The following HNRNPA1L2 variants were observed in gnomAD, a reference collection of about 807,000 sequenced individuals.
HNRNPA1L2 encodes heterogeneous nuclear ribonucleoprotein A1 like 2.
Under a neutral mutation model 18.2 loss-of-function variants are expected in HNRNPA1L2, and 10 were observed. That is an observed-to-expected ratio of 0.55 (90% confidence interval 0.34 to 0.93). The LOEUF is 0.93. Among genes scored for constraint, HNRNPA1L2 ranks in the 40% least tolerant of loss-of-function variants. The probability of loss-of-function intolerance (pLI) is 0.02; values close to 1 mark genes in which losing one functional copy is unlikely to be tolerated. For synonymous variants in HNRNPA1L2, 124 were observed against 138.6 expected (o/e 0.89, Z 0.74); for missense variants, 308 against 394.4 (o/e 0.78, Z 1.85).
At chr13:52,634,330 T>C in the HNRNPA1L2 span, among the ~76,000 whole-genome samples, 1 of 152,208 alleles carries the variant, frequency 6.6e-6, no homozygotes, top group African/African-American at 2.4e-5. Flanking sequence ...ACTTGCTTTT[T>C]AAAATAAAAT....
chr13:52,628,206 G>A, the HNRNPA1L2 span, among the ~76,000 whole-genome samples: 1 of 152,190 alleles, frequency 6.6e-6, no homozygotes, highest in African/African-American at 2.4e-5. Flanking sequence ...ACTTTGTGAG[G>A]CTGAGGTGAG....
the HNRNPA1L2 span, among the ~76,000 whole-genome samples, chr13:52,618,044 A>G: frequency 6.6e-6 from 1 of 152,184 alleles, no homozygotes; most frequent in Admixed American, 6.5e-5. Flanking sequence ...TTAGTTCATT[A>G]TTGGAAAACT....
chr13:52,633,518 A>C, the HNRNPA1L2 span, among the ~76,000 whole-genome samples: 2 of 152,326 alleles, frequency 1.3e-5, no homozygotes, highest in East Asian at 3.9e-4. Context: ...ATTTCTGACG[A>C]ATAGAAGTTA....
At chr13:52,617,538 G>A in the HNRNPA1L2 span, 3 of 420,238 alleles carry the variant, frequency 7.1e-6, no homozygotes, top group Non-Finnish European at 1.3e-5. Flanking sequence ...TGCTCTCCTG[G>A]ATGGCTTTAT....
At chr13:52,618,656 G>A in the HNRNPA1L2 span, among the ~76,000 whole-genome samples, 7 of 152,176 alleles carry the variant, frequency 4.6e-5, no homozygotes, top group African/African-American at 1.4e-4. Context: ...AGATTTTTAC[G>A]TATGTTATAA....
At chr13:52,636,454 T>C in the HNRNPA1L2 span, among the ~76,000 whole-genome samples, 2 of 152,216 alleles carry the variant, frequency 1.3e-5, no homozygotes, top group African/African-American at 4.8e-5. Context: ...AGTAAAAAAG[T>C]TATTGAAACA....
the HNRNPA1L2 span, among the ~76,000 whole-genome samples, chr13:52,633,553 ATGT>A: frequency 6.6e-6 from 1 of 152,322 alleles, no homozygotes; most frequent in South Asian, 2.1e-4. Flanking sequence ...GATAGAAATA[ATGT>A]TGTATATGGA....
chr13:52,622,175 G>A, the HNRNPA1L2 span: 2,346 of 162,288 alleles, frequency 0.014, 58 homozygotes, highest in African/African-American at 0.053. Context: ...CACAGTAAAT[G>A]TACAAACAAC....
the HNRNPA1L2 span, among the ~76,000 whole-genome samples, chr13:52,628,346 G>A: frequency 6.6e-6 from 1 of 152,134 alleles, no homozygotes; most frequent in Non-Finnish European, 1.5e-5. Flanking sequence ...TGGGGGCTAA[G>A]GCTGGAGGAT....
upstream of HNRNPA1L2, among the ~76,000 whole-genome samples, chr13:52,637,667 G>A (rs1189736014): frequency 3.3e-5 from 5 of 152,058 alleles, no homozygotes; most frequent in Non-Finnish European, 5.9e-5. Context: ...CTCTAACGGC[G>A]ATAAAACTAT....
the HNRNPA1L2 span, among the ~76,000 whole-genome samples, chr13:52,621,201 T>C: frequency 1.1e-3 from 172 of 152,312 alleles, no homozygotes; most frequent in African/African-American, 3.8e-3. Context: ...GAGTCTAGTA[T>C]AGATGTAATC....
chr13:52,636,908 T>C, the HNRNPA1L2 span, among the ~76,000 whole-genome samples: 1 of 152,190 alleles, frequency 6.6e-6, no homozygotes, highest in South Asian at 2.1e-4. Flanking sequence ...CTTGGCTTAC[T>C]GTAACCTCCG....
Position 52,643,436 on chromosome 13 carries a change from G to A in HNRNPA1L2, c.944G>A (p.Gly315Asp), listed in dbSNP as rs768647313. Residue 315 changes from glycine to aspartate, a missense_variant, in exon 1 of 1, where the codon GGC (glycine) becomes GAC (aspartate). Transcript: ENST00000357495. ...GTTTCCAGCAGCAGCAGTAGCTATG[G>A]CAGTGGCAGAAGATTTTAATTAGGA... ...YGVSSSSSSY[G>D]SGRRF 8.8e-6 allele frequency: 14 copies of A among 1,598,024 alleles called. No homozygotes were observed. The East Asian group carries it at 1.1e-4, about 13-fold the overall frequency.
the HNRNPA1L2 span, among the ~76,000 whole-genome samples, chr13:52,634,491 C>T: frequency 6.6e-6 from 1 of 152,166 alleles, no homozygotes. Context: ...TTGTGCTATA[C>T]TTGCATGAGT....
chr13:52,626,926 A>G, the HNRNPA1L2 span, among the ~76,000 whole-genome samples: 1 of 152,170 alleles, frequency 6.6e-6, no homozygotes, highest in Non-Finnish European at 1.5e-5. Context: ...ATGGAATCAT[A>G]CAGAATATAT....
At chr13:52,624,019 C>T in the HNRNPA1L2 span, among the ~76,000 whole-genome samples, 1 of 152,202 alleles carries the variant, frequency 6.6e-6, no homozygotes, top group South Asian at 2.1e-4. Context: ...CTACATGTGG[C>T]TTTCTTTGTG....
the HNRNPA1L2 span, among the ~76,000 whole-genome samples, chr13:52,621,353 A>C: frequency 6.6e-6 from 1 of 152,194 alleles, no homozygotes; most frequent in African/African-American, 2.4e-5. Context: ...CTTGATGAGA[A>C]TGTTGATCAG....
the HNRNPA1L2 span, among the ~76,000 whole-genome samples, chr13:52,633,121 A>C: frequency 6.6e-6 from 1 of 152,214 alleles, no homozygotes; most frequent in South Asian, 2.1e-4. Flanking sequence ...CAGATTAGCC[A>C]CTAATTTGGG....
the HNRNPA1L2 span, among the ~76,000 whole-genome samples, chr13:52,623,372 G>A: frequency 6.6e-6 from 1 of 152,092 alleles, no homozygotes; most frequent in Admixed American, 6.6e-5. Flanking sequence ...ATATACATAC[G>A]CAGGAGCATC....
Sources: allele counts gnomAD v4.1 joint callset (sites outside exome capture counted in the v4.1 genomes callset), GRCh38; gene constraint gnomAD v4.1.1; transcripts MANE v1.5; gene names NCBI Gene and HGNC (gene_info 2026-07-23, HGNC 2026-07-21).